SORCS1: variants seen among roughly 807,000 people sequenced by gnomAD.
The protein encoded by SORCS1 is sortilin related VPS10 domain containing receptor 1.
SORCS1 carries 60 observed loss-of-function variants against 146.1 expected under a neutral mutation model. That is an observed-to-expected ratio of 0.41 (90% confidence interval 0.33 to 0.51). The LOEUF is 0.51. SORCS1 is among the 20% of genes least tolerant of loss of function. The probability of loss-of-function intolerance (pLI) is 0.21; values close to 1 mark genes in which losing one functional copy is unlikely to be tolerated. For missense variants in SORCS1, 1,352 were observed against 1,487.6 expected (o/e 0.91, Z 1.50); for synonymous variants, 637 against 584.0 (o/e 1.09, Z -1.31).
At chr10:106,792,454 C>T (rs375213109) in intron 3 of SORCS1, among the ~76,000 whole-genome samples, 155 of 152,282 alleles carry the variant, frequency 1.0e-3, no homozygotes, top group African/African-American at 3.5e-3. Flanking sequence ...CATTACACAG[C>T]GCTTTACAAA....
intron 2 of SORCS1, among the ~76,000 whole-genome samples, chr10:106,863,634 T>G (rs956017691): frequency 2.0e-5 from 3 of 150,436 alleles, no homozygotes; most frequent in Non-Finnish European, 4.4e-5. Flanking sequence ...TGATCTCTAT[T>G]CCTCCAGTCT....
intron 2 of SORCS1, among the ~76,000 whole-genome samples, chr10:106,854,540 A>G (rs1017557563): frequency 5.4e-5 from 8 of 148,510 alleles, no homozygotes; most frequent in Middle Eastern, 3.4e-3. Context: ...TATCTTTCAC[A>G]TGTTTTCTGT....
At chr10:106,853,817 A>C (rs1264440449) in intron 2 of SORCS1, among the ~76,000 whole-genome samples, 1 of 152,028 alleles carries the variant, frequency 6.6e-6, no homozygotes, top group African/African-American at 2.4e-5. Context: ...TGAAAAACAG[A>C]CATTGTATAA....
intron 3 of SORCS1, among the ~76,000 whole-genome samples, chr10:106,827,916 G>A (rs545409729): frequency 6.6e-6 from 1 of 152,120 alleles, no homozygotes; most frequent in Non-Finnish European, 1.5e-5. Flanking sequence ...ACATTCAAAA[G>A]CCATAAATTG....
At chr10:107,100,330 A>G (rs763048295) in intron 1 of SORCS1, among the ~76,000 whole-genome samples, 16 of 151,706 alleles carry the variant, frequency 1.1e-4, no homozygotes, top group Non-Finnish European at 1.8e-4. Context: ...TGGCTAACAC[A>G]GTGAAACCCC....
At chr10:106,757,765 G>T (rs996818456) in intron 5 of SORCS1, among the ~76,000 whole-genome samples, 1 of 152,206 alleles carries the variant, frequency 6.6e-6, no homozygotes, top group Admixed American at 6.5e-5. Flanking sequence ...AGCCAAGAAC[G>T]TAAGGCTAAG....
intron 2 of SORCS1, among the ~76,000 whole-genome samples, chr10:106,947,697 T>A (rs1954423329): frequency 6.6e-6 from 1 of 151,998 alleles, no homozygotes; most frequent in African/African-American, 2.4e-5. Flanking sequence ...TACAAAAAAA[T>A]TAGCCGGGCC....
intron 4 of SORCS1, among the ~76,000 whole-genome samples, chr10:106,762,466 C>T (rs1392834167): frequency 1.4e-5 from 2 of 139,948 alleles, no homozygotes; most frequent in African/African-American, 2.7e-5. Context: ...GACCTCGGCT[C>T]ACTGCAAGCT....
chr10:106,844,583 AT>A (rs972980137), intron 2 of SORCS1, among the ~76,000 whole-genome samples: 2 of 148,728 alleles, frequency 1.3e-5, no homozygotes, highest in Non-Finnish European at 1.5e-5. Flanking sequence ...TTTAATTATT[AT>A]TTTTTTTAAA....
At chr10:106,843,134 G>A (rs558125857) in intron 2 of SORCS1, among the ~76,000 whole-genome samples, 15 of 152,236 alleles carry the variant, frequency 9.9e-5, no homozygotes, top group South Asian at 4.1e-4. Flanking sequence ...AGTTCTCTAG[G>A]AGCATATTTC....
At chr10:106,803,252 T>G (rs948241043) in intron 3 of SORCS1, among the ~76,000 whole-genome samples, 4 of 152,194 alleles carry the variant, frequency 2.6e-5, no homozygotes, top group Non-Finnish European at 5.9e-5. Context: ...GTAGTATTCT[T>G]GATGAAACAG....
At chr10:107,030,285 T>C (rs1958591940) in intron 1 of SORCS1, among the ~76,000 whole-genome samples, 1 of 152,224 alleles carries the variant, frequency 6.6e-6, no homozygotes. Context: ...CTAAGCTAAG[T>C]ACTCTATATC....
At chr10:106,911,887 T>C (rs539785482) in intron 2 of SORCS1, among the ~76,000 whole-genome samples, 196 of 152,026 alleles carry the variant, frequency 1.3e-3, no homozygotes, top group Non-Finnish European at 2.3e-3. Flanking sequence ...CTGAGGTGGG[T>C]GGATCACGAG....
intron 6 of SORCS1, among the ~76,000 whole-genome samples, chr10:106,712,538 G>T (rs1362538253): frequency 6.6e-6 from 1 of 152,056 alleles, no homozygotes; most frequent in Non-Finnish European, 1.5e-5. Flanking sequence ...GGGACAACTG[G>T]GCCAATTTCA....
intron 2 of SORCS1, among the ~76,000 whole-genome samples, chr10:106,916,017 C>A (rs573639681): frequency 5.4e-4 from 82 of 152,234 alleles, no homozygotes; most frequent in African/African-American, 1.8e-3. Context: ...TTCCTTCTAA[C>A]CTACTTCACC....
intron 4 of SORCS1, among the ~76,000 whole-genome samples, chr10:106,776,104 G>C (rs148862994): frequency 3.1e-4 from 47 of 152,278 alleles, no homozygotes; most frequent in African/African-American, 1.1e-3. Context: ...ATTTCTCTCA[G>C]TGTTTTAGAA....
chr10:106,939,427 G>A (rs1216349943), intron 2 of SORCS1, among the ~76,000 whole-genome samples: 1 of 152,186 alleles, frequency 6.6e-6, no homozygotes, highest in African/African-American at 2.4e-5. Flanking sequence ...TTCAAAAGGG[G>A]CGATGATGCA....
At chr10:106,761,851 T>A (rs567492281) in intron 4 of SORCS1, among the ~76,000 whole-genome samples, 190 bp from the exon 5 acceptor site, 1 of 152,354 alleles carries the variant, frequency 6.6e-6, no homozygotes, top group African/African-American at 2.4e-5. Flanking sequence ...ACTAATATCA[T>A]CATTTTACAG....
intron 18 of SORCS1, among the ~76,000 whole-genome samples, chr10:106,642,509 T>C (rs988424571): frequency 1.3e-5 from 2 of 152,118 alleles, no homozygotes; most frequent in Non-Finnish European, 1.5e-5. Context: ...TTCAGAAGGA[T>C]CAAATTCAAA....
Sources: gnomAD v4.1 joint callset for allele counts (sites outside exome capture counted in the v4.1 genomes callset) on GRCh38, gnomAD v4.1.1 for gene constraint, MANE v1.5 for transcripts, NCBI Gene and HGNC (gene_info 2026-07-23, HGNC 2026-07-21) for gene names.